Variants in FOXP1 observed in about 807,000 individuals in gnomAD.
FOXP1 encodes forkhead box protein P1.
FOXP1 carries 15 observed loss-of-function variants against 98.2 expected under a neutral mutation model. That is an observed-to-expected ratio of 0.15 (90% CI 0.10 to 0.24). The LOEUF (loss-of-function observed/expected upper bound fraction) is 0.24. Among genes scored for constraint, FOXP1 ranks in the 10% least tolerant of loss-of-function variants. FOXP1 has a pLI of 1.00. For synonymous variants in FOXP1, 371 were observed against 314.5 expected, an observed-to-expected ratio of 1.18 and a Z score of -1.90; for missense variants, 633 against 848.5, an observed-to-expected ratio of 0.75 and a Z score of 3.15.
At chr3:71,265,552 C>T (rs1190677704) in intron 5 of FOXP1, among the ~76,000 whole-genome samples, 2 of 152,156 alleles carry the variant, frequency 1.3e-5, no homozygotes, top group African/African-American at 4.8e-5. Flanking sequence ...ACAAAGATAC[C>T]TAGGCAACTA....
At chr3:71,091,816 G>C (rs1203009926) in intron 7 of FOXP1, among the ~76,000 whole-genome samples, 1 of 152,204 alleles carries the variant, frequency 6.6e-6, no homozygotes, top group South Asian at 2.1e-4. Context: ...AGAGAGGTAT[G>C]AGAAACACAA....
chr3:71,543,946 T>A (rs2045108707), intron 2 of FOXP1, among the ~76,000 whole-genome samples: 1 of 152,126 alleles, frequency 6.6e-6, no homozygotes, highest in Admixed American at 6.5e-5. Flanking sequence ...ATTCTCTTAT[T>A]TACTATATGC....
intron 3 of FOXP1, among the ~76,000 whole-genome samples, chr3:71,430,985 A>AT (rs1373477046): frequency 2.0e-5 from 3 of 152,276 alleles, no homozygotes; most frequent in Admixed American, 2.0e-4. Flanking sequence ...TTTCCTAGAC[A>AT]TTCTACCCCA....
chr3:71,286,670 A>T (rs2072178191), intron 5 of FOXP1, among the ~76,000 whole-genome samples: 1 of 152,184 alleles, frequency 6.6e-6, no homozygotes, highest in South Asian at 2.1e-4. Context: ...GGGAAGTGGG[A>T]AAATATCGAG....
chr3:71,198,115 TGATCGCGA>T, intron 6 of FOXP1, 79 bp downstream of exon 6: 3 of 1,613,698 alleles, frequency 1.9e-6, no homozygotes, highest in Non-Finnish European at 2.5e-6. Flanking sequence ...CACAAAACAC[TGATCGCGA>T]GATCGCGATT....
chr3:70,981,544 A>G (rs1031587628), intron 14 of FOXP1, among the ~76,000 whole-genome samples: 2 of 152,246 alleles, frequency 1.3e-5, no homozygotes, highest in African/African-American at 4.8e-5. Context: ...ATCAATGTGC[A>G]GTGGTGCAAG....
intron 2 of FOXP1, among the ~76,000 whole-genome samples, chr3:71,564,703 G>A (rs533413312): frequency 1.8e-4 from 27 of 152,330 alleles, no homozygotes; most frequent in Admixed American, 2.0e-4. Flanking sequence ...CAATTACAGA[G>A]TTTTCTTAAA....
chr3:71,388,979 C>A (rs1413140627), intron 3 of FOXP1, among the ~76,000 whole-genome samples: 2 of 151,918 alleles, frequency 1.3e-5, no homozygotes, highest in African/African-American at 4.8e-5. Context: ...AATGTCAGAG[C>A]TACTTTTTAA....
chr3:71,409,941 A>C (rs189011549), intron 3 of FOXP1, among the ~76,000 whole-genome samples: 1 of 152,298 alleles, frequency 6.6e-6, no homozygotes, highest in African/African-American at 2.4e-5. Context: ...CCTGAGACCC[A>C]GAGGTCAAGG....
intron 3 of FOXP1, among the ~76,000 whole-genome samples, chr3:71,415,413 G>C (rs1159109081): frequency 6.6e-6 from 1 of 152,166 alleles, no homozygotes; most frequent in African/African-American, 2.4e-5. Context: ...TTTATACAAT[G>C]TAGACATAAA....
chr3:71,344,810 G>T (rs1263131219), intron 4 of FOXP1, among the ~76,000 whole-genome samples: 2 of 150,488 alleles, frequency 1.3e-5, no homozygotes, highest in African/African-American at 4.9e-5. Flanking sequence ...TCCAGCCTGG[G>T]GGAAAGAGCG....
At chr3:71,503,320 G>C (rs551456789) in intron 2 of FOXP1, among the ~76,000 whole-genome samples, 26 of 152,170 alleles carry the variant, frequency 1.7e-4, no homozygotes, top group Admixed American at 2.0e-4. Context: ...TAAAAATACA[G>C]GCCAAATTAC....
chr3:71,004,276 A>G lies in FOXP1; in HGVS notation c.975-3217T>C, dbSNP rs569650801. On this transcript the variant is annotated intron_variant, in intron 12 of 20. Transcript: ENST00000649528. ...TAGCTCTGGGAAAAAAAAATATTAC[A>G]TGAGCCTGTTATAATCAAGGAGATT... Among the ~76,000 whole-genome samples, 7 of 152,192 alleles carry G rather than the reference A, an allele frequency of 4.6e-5. No homozygotes were observed. The South Asian group carries it at 1.5e-3, about 32-fold the overall frequency.
At chr3:71,264,838 C>T (rs1164980499) in intron 5 of FOXP1, among the ~76,000 whole-genome samples, 1 of 152,224 alleles carries the variant, frequency 6.6e-6, no homozygotes, top group African/African-American at 2.4e-5. Context: ...CTAGGCTCTA[C>T]TGCTTTTATA....
intron 3 of FOXP1, among the ~76,000 whole-genome samples, chr3:71,421,052 T>C (rs1383157104): frequency 6.6e-6 from 1 of 152,164 alleles, no homozygotes; most frequent in Non-Finnish European, 1.5e-5. Flanking sequence ...CACCCTAGGA[T>C]AGCGTTGAGA....
chr3:71,163,399 G>A lies in FOXP1; in HGVS notation c.180+34803C>T, dbSNP rs377235817. Among the ~76,000 whole-genome samples, 4 of 152,294 alleles carry A rather than the reference G, an allele frequency of 2.6e-5. No homozygotes were observed. In the East Asian group the frequency reaches 7.7e-4, roughly 29 times the overall value. On this transcript the variant is annotated intron_variant, in intron 6 of 20. Transcript: ENST00000649528. Reference sequence around the variant, plus strand: ...CCTTTCTACCCCTCAGCATCTGTTTGAAATATGTAGTAGACAATTGCTTTT... The same window carrying A: ...CCTTTCTACCCCTCAGCATCTGTTTAAAATATGTAGTAGACAATTGCTTTT...
chr3:71,118,987 T>C (rs896180501), intron 6 of FOXP1, among the ~76,000 whole-genome samples: 2 of 152,210 alleles, frequency 1.3e-5, no homozygotes, highest in African/African-American at 4.8e-5. Flanking sequence ...CCATCTTAGG[T>C]TGCTATCTGT....
At chr3:71,103,965 A>G (rs1248469872) in intron 7 of FOXP1, among the ~76,000 whole-genome samples, 1 of 152,146 alleles carries the variant, frequency 6.6e-6, no homozygotes, top group Non-Finnish European at 1.5e-5. Flanking sequence ...CCCCCAAAAA[A>G]AGAGAGAGGC....
intron 5 of FOXP1, among the ~76,000 whole-genome samples, chr3:71,219,489 C>T (rs1364927232): frequency 6.6e-6 from 1 of 152,184 alleles, no homozygotes; most frequent in African/African-American, 2.4e-5. Flanking sequence ...TTAAGTATGT[C>T]TTGAACAACT....
Sources: gnomAD v4.1 joint callset for allele counts (sites outside exome capture counted in the v4.1 genomes callset) on GRCh38, gnomAD v4.1.1 for gene constraint, MANE v1.5 for transcripts, NCBI Gene and HGNC (gene_info 2026-07-23, HGNC 2026-07-21) for gene names.